EYA4: variants seen among roughly 807,000 people sequenced by gnomAD.
EYA4 encodes the protein protein phosphatase EYA4.
In EYA4, 31 loss-of-function variants were observed where a neutral mutation model predicts 87.9. That is an observed-to-expected ratio of 0.35 (90% CI 0.27 to 0.48). The LOEUF is 0.48. Ranked by LOEUF, EYA4 falls within the 20% of genes least tolerant of loss-of-function variation. The pLI, the probability that EYA4 is intolerant of heterozygous loss-of-function variation, is 0.99. For synonymous variants in EYA4, 263 were observed against 270.6 expected (o/e 0.97, Z 0.28); for missense variants, 678 against 761.4 (o/e 0.89, Z 1.29).
chr6:133,449,764 T>C (rs1793238227), intron 5 of EYA4, among the ~76,000 whole-genome samples: 1 of 152,238 alleles, frequency 6.6e-6, no homozygotes, highest in South Asian at 2.1e-4. Context: ...TATGTCTTCC[T>C]TTCTTTAATT....
intron 19 of EYA4, among the ~76,000 whole-genome samples, chr6:133,528,036 T>C (rs1222129546): frequency 2.0e-5 from 3 of 152,178 alleles, no homozygotes; most frequent in Non-Finnish European, 2.9e-5. Flanking sequence ...ACCACTGTAA[T>C]GTCTAAGATT....
At chr6:133,486,822 G>A (rs1355489727) in intron 13 of EYA4, among the ~76,000 whole-genome samples, 2 of 152,160 alleles carry the variant, frequency 1.3e-5, no homozygotes, top group African/African-American at 4.8e-5. Context: ...GAAGGAGGTG[G>A]AACAAGTTGG....
At chr6:133,303,893 A>G (rs1191249654) in intron 2 of EYA4, among the ~76,000 whole-genome samples, 1 of 121,112 alleles carries the variant, frequency 8.3e-6, no homozygotes, top group Non-Finnish European at 2.1e-5. Context: ...TAAATTTAAT[A>G]TGAGATTATT....
chr6:133,494,195 T>C (rs1007653968), intron 13 of EYA4, among the ~76,000 whole-genome samples: 7 of 152,170 alleles, frequency 4.6e-5, no homozygotes, highest in African/African-American at 1.7e-4. Context: ...AACAGATGAA[T>C]GGTAAAGAAA....
intron 14 of EYA4, among the ~76,000 whole-genome samples, chr6:133,507,805 T>G (rs1798777916): frequency 6.6e-6 from 1 of 152,220 alleles, no homozygotes; most frequent in South Asian, 2.1e-4. Flanking sequence ...TTCCAAGTCT[T>G]TGCTATTGAA....
At chr6:133,285,348 A>G (rs1201768944) in intron 2 of EYA4, among the ~76,000 whole-genome samples, 3 of 152,224 alleles carry the variant, frequency 2.0e-5, no homozygotes, top group East Asian at 3.9e-4. Context: ...CCATGTGGAT[A>G]TCTGGGGAAA....
chr6:133,255,328 G>C (rs992251790), intron 1 of EYA4, among the ~76,000 whole-genome samples: 2 of 152,034 alleles, frequency 1.3e-5, no homozygotes, highest in Non-Finnish European at 2.9e-5. Flanking sequence ...GGTTACTTTT[G>C]AGAGGAATGA....
intron 17 of EYA4, among the ~76,000 whole-genome samples, chr6:133,518,980 G>A (rs2128800674): frequency 6.6e-6 from 1 of 150,578 alleles, no homozygotes; most frequent in African/African-American, 2.4e-5. Flanking sequence ...CAGAATCTCT[G>A]GGACGCATTC....
At chr6:133,269,340 C>G (rs568746379) in intron 1 of EYA4, among the ~76,000 whole-genome samples, 2 of 152,196 alleles carry the variant, frequency 1.3e-5, no homozygotes, top group African/African-American at 4.8e-5. Flanking sequence ...ATCCTATATA[C>G]CCTCCCTTCC....
At chr6:133,332,250 G>C (rs551287887) in intron 2 of EYA4, among the ~76,000 whole-genome samples, 2 of 152,318 alleles carry the variant, frequency 1.3e-5, no homozygotes, top group Non-Finnish European at 2.9e-5. Flanking sequence ...AAAGTAACAG[G>C]AAAGCAGACA....
chr6:133,530,083 G>A lies in EYA4; in HGVS notation c.*1278G>A. ...ATGGAAGGCAGTTCTCCCAGATGGT[G>A]TCTAATGAAAGCAATGAGTCTATGA... On this transcript the variant is annotated 3_prime_UTR_variant, in exon 20 of 20. Transcript: ENST00000355286. 4 of 985,170 alleles carry A rather than the reference G, an allele frequency of 4.1e-6. No homozygotes were observed. The highest frequency in any genetic ancestry group is 1.7e-5 in the African/African-American group (1 of 57,350). 61.0% of individuals were successfully genotyped at this position (985,170 alleles called of 1,614,324 possible).
intron 2 of EYA4, among the ~76,000 whole-genome samples, chr6:133,356,653 A>G (rs1183819203): frequency 1.3e-5 from 2 of 152,084 alleles, no homozygotes; most frequent in Non-Finnish European, 1.5e-5. Flanking sequence ...TATAAGGACC[A>G]AAGAGTATAG....
intron 2 of EYA4, among the ~76,000 whole-genome samples, chr6:133,311,197 C>T (rs2128332665): frequency 6.6e-6 from 1 of 152,320 alleles, no homozygotes; most frequent in South Asian, 2.1e-4. Context: ...CTACTGCCGG[C>T]TTGTGATAAT....
chr6:133,304,790 A>G (rs1402172847), intron 2 of EYA4, among the ~76,000 whole-genome samples: 1 of 138,810 alleles, frequency 7.2e-6, no homozygotes, highest in Non-Finnish European at 1.5e-5. Context: ...CAGTGAATTT[A>G]TGAATGCATA....
intron 2 of EYA4, among the ~76,000 whole-genome samples, chr6:133,282,375 G>A (rs560519838): frequency 1.3e-5 from 2 of 152,152 alleles, no homozygotes; most frequent in African/African-American, 4.8e-5. Flanking sequence ...TTTGTTGGCC[G>A]CTTGTATGTC....
At chr6:133,380,008 T>A (rs1246050233) in intron 2 of EYA4, among the ~76,000 whole-genome samples, 3 of 152,192 alleles carry the variant, frequency 2.0e-5, no homozygotes, top group Non-Finnish European at 4.4e-5. Context: ...CTGAAATACC[T>A]ACTATTTCCC....
In EYA4 at chr6:133,529,843, A is replaced by G; in HGVS notation, c.*1038A>G. ...CTGGAGAAAACTAAGAGCCATATTC[A>G]TGACAACTTGCACAGTTTTGAGGTT... On this transcript the variant is annotated 3_prime_UTR_variant, in exon 20 of 20. Coordinates refer to ENST00000355286, the MANE Select transcript of EYA4 (RefSeq NM_004100.5). 2 of 985,452 alleles carry G rather than the reference A, an allele frequency of 2.0e-6. No homozygotes were observed. The highest frequency in any genetic ancestry group is 2.4e-6 in the Non-Finnish European group (2 of 829,938). 61.0% of individuals were successfully genotyped at this position (985,452 alleles called of 1,614,324 possible).
rs375158466 is a variant in EYA4, at chr6:133,427,096, GA to G, written c.84-19531del. Among the ~76,000 whole-genome samples the G allele has an allele frequency of 1.7e-4, 26 of 152,322 alleles. No individual in the cohort carries two copies. The East Asian group carries it at 4.6e-3, about 27-fold the overall frequency. On this transcript the variant is annotated intron_variant, in intron 3 of 19. Coordinates refer to ENST00000355286, the MANE Select transcript of EYA4 (RefSeq NM_004100.5). ...CACAATATTTCTTAAATAAGTGAATGAAAGTATGAAATTAACAGTTGCATGG... is the reference window on the plus strand; with the variant it reads ...CACAATATTTCTTAAATAAGTGAATGAAGTATGAAATTAACAGTTGCATGG...
chr6:133,257,810 G>A (rs1277722536), intron 1 of EYA4, among the ~76,000 whole-genome samples: 1 of 152,120 alleles, frequency 6.6e-6, no homozygotes, highest in African/African-American at 2.4e-5. Context: ...TTCCTGACAT[G>A]TGCTTTAGAA....
Sources: allele counts gnomAD v4.1 joint callset (sites outside exome capture counted in the v4.1 genomes callset), GRCh38; gene constraint gnomAD v4.1.1; transcripts MANE v1.5; gene names NCBI Gene and HGNC (gene_info 2026-07-23, HGNC 2026-07-21).